Variants in TMC7 observed in about 807,000 individuals in gnomAD.
TMC7 encodes transmembrane channel like 7.
TMC7 carries 54 observed loss-of-function variants against 82.9 expected under a neutral mutation model. That is an observed-to-expected ratio of 0.65 (90% confidence interval 0.52 to 0.82). TMC7 has a LOEUF of 0.82. Ranked by LOEUF, TMC7 falls within the 40% of genes least tolerant of loss-of-function variation. The pLI is 0.00. For synonymous variants in TMC7, 350 were observed against 337.9 expected (o/e 1.04, Z -0.39); for missense variants, 820 against 901.2 (o/e 0.91, Z 1.15).
chr16:19,044,792 AAG>A, intron 9 of TMC7, 90 bp from the exon 10 acceptor site: 6 of 663,880 alleles, frequency 9.0e-6, no homozygotes, highest in Admixed American at 8.2e-5. Flanking sequence ...AAAAAAAAAA[AAG>A]GCAGCTTCTA....
chr16:18,994,382 G>C (rs751975378), intron 1 of TMC7, among the ~76,000 whole-genome samples: 3 of 151,836 alleles, frequency 2.0e-5, no homozygotes, highest in Non-Finnish European at 4.4e-5. Context: ...CGCACTCCTG[G>C]CTCTTGTGTA....
chr16:19,051,216 G>T (rs1383765504), intron 12 of TMC7, among the ~76,000 whole-genome samples: 65 of 133,594 alleles, frequency 4.9e-4, no homozygotes, highest in Admixed American at 7.0e-4. Flanking sequence ...TTTTTTTTTT[G>T]GATTTTTTTC....
chr16:19,004,777 C>G (rs544115765), intron 1 of TMC7, among the ~76,000 whole-genome samples: 1 of 152,266 alleles, frequency 6.6e-6, no homozygotes, highest in African/African-American at 2.4e-5. Flanking sequence ...TTCCTAGTTC[C>G]AACACTTACT....
At chr16:19,047,400 CTT>C (rs200750528) in intron 12 of TMC7, 151 bp downstream of exon 12, 9,003 of 453,952 alleles carry the variant, frequency 0.02, no homozygotes, top group South Asian at 0.032. Flanking sequence ...AAAAATATTG[CTT>C]TTTTTTTTTT....
intron 8 of TMC7, 84 bp from the exon 9 acceptor site, chr16:19,040,205 A>G: frequency 8.0e-7 from 1 of 1,242,466 alleles, no homozygotes; most frequent in Non-Finnish European, 1.1e-6. Flanking sequence ...CCCAACACAC[A>G]TAGTTGAGTT....
chr16:19,019,224 T>G (rs963552257), intron 3 of TMC7, among the ~76,000 whole-genome samples: 1 of 152,232 alleles, frequency 6.6e-6, no homozygotes, highest in Non-Finnish European at 1.5e-5. Context: ...TTTGTGAGGT[T>G]TGTAAGGAAT....
chr16:19,048,708 A>G (rs1468087922), intron 12 of TMC7, among the ~76,000 whole-genome samples: 1 of 152,224 alleles, frequency 6.6e-6, no homozygotes. Context: ...GGCATGAGCC[A>G]CTGCGCCCAG....
At chr16:19,057,767 T>G (rs1048865715) in intron 14 of TMC7, among the ~76,000 whole-genome samples, 1 of 152,224 alleles carries the variant, frequency 6.6e-6, no homozygotes, top group Admixed American at 6.5e-5. Flanking sequence ...TGGCCCTCAT[T>G]TCATCAGCCT....
intron 13 of TMC7, among the ~76,000 whole-genome samples, chr16:19,052,875 G>A (rs1266654533): frequency 3.3e-5 from 5 of 152,156 alleles, no homozygotes; most frequent in East Asian, 1.9e-4. Context: ...ACCACACCCA[G>A]CTAATTTTTG....
At chr16:19,045,070 C>T in intron 10 of TMC7, 69 bp downstream of exon 10, 4 of 1,265,808 alleles carry the variant, frequency 3.2e-6, no homozygotes, top group Non-Finnish European at 4.6e-6. Flanking sequence ...GTCAAGAGAA[C>T]AGCGGTTGAA....
chr16:19,053,032 C>T (rs1961607509), intron 13 of TMC7, among the ~76,000 whole-genome samples: 1 of 152,116 alleles, frequency 6.6e-6, no homozygotes, highest in Non-Finnish European at 1.5e-5. Context: ...TCTTTTTTAA[C>T]ACTTTGATTC....
rs140953212 is a variant in TMC7 at position 18,998,908 on chromosome 16, G to A, written c.68-10264G>A. Among the ~76,000 whole-genome samples, 47 of 152,302 alleles carry A rather than the reference G, an allele frequency of 3.1e-4. 1 individual carries two copies. In the East Asian group the frequency reaches 8.5e-3, roughly 28 times the overall value. On this transcript the variant is annotated intron_variant, in intron 1 of 15. Coordinates refer to ENST00000304381, the MANE Select transcript of TMC7 (RefSeq NM_024847.4). Reference sequence around the variant, plus strand: ...AGTCACCGGCCCCACCCAGGTGCCAGTTGACGTGAGTCATGCAGTTTCTCC... The same window carrying A: ...AGTCACCGGCCCCACCCAGGTGCCAATTGACGTGAGTCATGCAGTTTCTCC...
chr16:19,038,168 C>A, intron 8 of TMC7, 121 bp downstream of exon 8: 3 of 997,506 alleles, frequency 3.0e-6, no homozygotes, highest in South Asian at 1.7e-5. Flanking sequence ...ATGATCAAGA[C>A]CTGAAAATCA....
chr16:19,029,835 C>T (rs1266145008), intron 5 of TMC7, among the ~76,000 whole-genome samples: 1 of 152,070 alleles, frequency 6.6e-6, no homozygotes, highest in East Asian at 1.9e-4. Flanking sequence ...GCCTCAGCCT[C>T]CCGAGTAGCT....
Position 19,039,609 on chromosome 16 carries a change from G to A in TMC7, c.1180-680G>A, listed in dbSNP as rs563092814. On this transcript the variant is annotated intron_variant, in intron 8 of 15. Coordinates refer to ENST00000304381, the MANE Select transcript of TMC7 (RefSeq NM_024847.4). Reference sequence around the variant, plus strand: ...GGCTAGGAAATTTACTTTTTATTGCGGATGGCTATATATTGTCCAGGTAGT... The same window carrying A: ...GGCTAGGAAATTTACTTTTTATTGCAGATGGCTATATATTGTCCAGGTAGT... 8.5e-5 allele frequency among the ~76,000 whole-genome samples: 13 copies of A among 152,176 alleles called. No homozygotes were observed. The East Asian group carries it at 1.9e-3, about 23-fold the overall frequency.
At chr16:19,012,278 CAAAT>C (rs1351132486) in intron 2 of TMC7, 1 of 151,942 alleles carries the variant, frequency 6.6e-6, no homozygotes, top group Non-Finnish European at 1.5e-5. Flanking sequence ...ATTTAAAAAC[CAAAT>C]AAATAAATAA....
At chr16:19,022,544 C>G (rs1199205641) in intron 4 of TMC7, among the ~76,000 whole-genome samples, 2 of 152,278 alleles carry the variant, frequency 1.3e-5, no homozygotes, top group South Asian at 4.1e-4. Context: ...GTGCTGTCCA[C>G]GTTTGTAACC....
intron 1 of TMC7, among the ~76,000 whole-genome samples, chr16:18,995,197 G>A (rs1015402415): frequency 6.6e-6 from 1 of 152,122 alleles, no homozygotes; most frequent in South Asian, 2.1e-4. Flanking sequence ...GTTTTAAGAG[G>A]TTTAGCAGCC....
At chr16:19,018,555 A>G (rs988376560) in intron 3 of TMC7, among the ~76,000 whole-genome samples, 1 of 152,108 alleles carries the variant, frequency 6.6e-6, no homozygotes, top group African/African-American at 2.4e-5. Flanking sequence ...ATACCATGAC[A>G]CTGGGTGTTA....
Sources: gnomAD v4.1 joint callset for allele counts (sites outside exome capture counted in the v4.1 genomes callset) on GRCh38, gnomAD v4.1.1 for gene constraint, MANE v1.5 for transcripts, NCBI Gene and HGNC (gene_info 2026-07-23, HGNC 2026-07-21) for gene names.